The following FBXL17 variants were observed in gnomAD, a reference collection of about 807,000 sequenced individuals.
FBXL17 encodes the protein F-box/LRR-repeat protein 17.
FBXL17 carries 22 observed loss-of-function variants against 66.2 expected under a neutral mutation model. The observed-to-expected ratio is 0.33, with a 90% CI of 0.24 to 0.47. The LOEUF is 0.47. Ranked by LOEUF, FBXL17 falls within the 20% of genes least tolerant of loss-of-function variation. The pLI, the probability that FBXL17 is intolerant of heterozygous loss-of-function variation, is 1.00. For synonymous variants in FBXL17, 474 were observed against 400.5 expected (o/e 1.18, Z -2.19); for missense variants, 878 against 948.2 (o/e 0.93, Z 0.97).
At chr5:108,058,041 A>G (rs1409252619) in intron 6 of FBXL17, among the ~76,000 whole-genome samples, 1 of 152,200 alleles carries the variant, frequency 6.6e-6, no homozygotes, top group Non-Finnish European at 1.5e-5. Flanking sequence ...TTAGTAAAGG[A>G]ATGAGACTAA....
chr5:107,942,570 T>C (rs540899249), intron 7 of FBXL17, among the ~76,000 whole-genome samples: 19 of 152,242 alleles, frequency 1.2e-4, no homozygotes, highest in Non-Finnish European at 8.8e-5. Flanking sequence ...ACCAGGACAT[T>C]TGGCTGGAGC....
intron 5 of FBXL17, among the ~76,000 whole-genome samples, chr5:108,219,579 T>C (rs2150070710): frequency 6.6e-6 from 1 of 152,088 alleles, no homozygotes; most frequent in South Asian, 2.1e-4. Flanking sequence ...CCCAGATATT[T>C]GGGAGGCTGA....
intron 3 of FBXL17, among the ~76,000 whole-genome samples, chr5:108,358,059 T>C (rs904593079): frequency 2.6e-5 from 4 of 152,142 alleles, no homozygotes; most frequent in African/African-American, 9.6e-5. Flanking sequence ...AAATCACTTA[T>C]TAGTTCAAAT....
intron 6 of FBXL17, among the ~76,000 whole-genome samples, chr5:108,098,468 G>A (rs778492075): frequency 5.9e-5 from 9 of 152,018 alleles, no homozygotes; most frequent in Middle Eastern, 3.2e-3. Flanking sequence ...TTTTCATGCC[G>A]GGTGCAGTGG....
intron 6 of FBXL17, among the ~76,000 whole-genome samples, chr5:108,098,171 A>G (rs1749455146): frequency 6.6e-6 from 1 of 152,178 alleles, no homozygotes; most frequent in South Asian, 2.1e-4. Context: ...AAAAACAGAA[A>G]TCTAATCTGG....
At chr5:107,910,398 C>G (rs923265708) in intron 7 of FBXL17, among the ~76,000 whole-genome samples, 1 of 151,980 alleles carries the variant, frequency 6.6e-6, no homozygotes, top group Non-Finnish European at 1.5e-5. Context: ...AAATGAGAAA[C>G]AGCATGGTGT....
At chr5:108,359,397 G>A (rs925318764) in intron 3 of FBXL17, among the ~76,000 whole-genome samples, 1 of 151,956 alleles carries the variant, frequency 6.6e-6, no homozygotes, top group African/African-American at 2.4e-5. Flanking sequence ...TTTGATTACT[G>A]CTTTCAGATC....
At chr5:108,163,400 T>C (rs112103454) in intron 6 of FBXL17, among the ~76,000 whole-genome samples, 7 of 17,416 alleles carry the variant, frequency 4.0e-4, no homozygotes, top group African/African-American at 7.6e-4. Flanking sequence ...TTTTTTTTTC[T>C]TTTTTTTTTT....
chr5:108,045,625 T>C lies in FBXL17; in HGVS notation c.1746-24624A>G, dbSNP rs564127769. Among the ~76,000 whole-genome samples, 264 of 152,332 alleles carry C rather than the reference T, an allele frequency of 1.7e-3. 1 individual carries two copies. Among genetic ancestry groups the C allele is most frequent in the Non-Finnish European group, 2.7e-3 (185 of 68,046 alleles). ...CCTCTTAGCACTATTTTAGCAGTTT[T>C]CTAATACCAAATTTAGAAAATTGTA... On this transcript the variant is annotated intron_variant, in intron 6 of 8. Coordinates refer to ENST00000542267, the MANE Select transcript of FBXL17 (RefSeq NM_001163315.3).
At chr5:108,308,881 A>C (rs899405574) in intron 4 of FBXL17, among the ~76,000 whole-genome samples, 1 of 152,126 alleles carries the variant, frequency 6.6e-6, no homozygotes, top group Non-Finnish European at 1.5e-5. Flanking sequence ...GTACGTAAGA[A>C]TATAAATTGA....
At chr5:107,972,347 A>G (rs1355382297) in intron 7 of FBXL17, among the ~76,000 whole-genome samples, 1 of 152,230 alleles carries the variant, frequency 6.6e-6, no homozygotes, top group Non-Finnish European at 1.5e-5. Context: ...CTCATATTTT[A>G]TAACAAGGGT....
At chr5:108,012,802 T>G (rs758986444) in intron 7 of FBXL17, among the ~76,000 whole-genome samples, 17 of 151,986 alleles carry the variant, frequency 1.1e-4, no homozygotes, top group Non-Finnish European at 1.9e-4. Context: ...GATCACCTGA[T>G]GTTGAGAGTT....
At chr5:107,904,927 G>T (rs1030544682) in intron 7 of FBXL17, among the ~76,000 whole-genome samples, 7 of 152,058 alleles carry the variant, frequency 4.6e-5, no homozygotes, top group African/African-American at 1.7e-4. Flanking sequence ...CATTTCCAGG[G>T]GTGAAGCAGG....
At chr5:108,101,978 G>A (rs1378160163) in intron 6 of FBXL17, among the ~76,000 whole-genome samples, 2 of 152,214 alleles carry the variant, frequency 1.3e-5, no homozygotes, top group East Asian at 1.9e-4. Flanking sequence ...TGGGTTCACA[G>A]GTTCCCAGGG....
chr5:108,058,875 C>T (rs1747815184), intron 6 of FBXL17, among the ~76,000 whole-genome samples: 1 of 152,176 alleles, frequency 6.6e-6, no homozygotes, highest in African/African-American at 2.4e-5. Flanking sequence ...AAGAGGAACA[C>T]TCAGTATATT....
chr5:107,914,172 A>G (rs2112551282), intron 7 of FBXL17, among the ~76,000 whole-genome samples: 1 of 152,292 alleles, frequency 6.6e-6, no homozygotes, highest in East Asian at 1.9e-4. Context: ...TGAAACGAGA[A>G]CAGTGGTTCA....
chr5:107,998,208 G>A (rs1180327722), intron 7 of FBXL17, among the ~76,000 whole-genome samples: 1 of 152,056 alleles, frequency 6.6e-6, no homozygotes. Flanking sequence ...AATTTCACCA[G>A]TTTCTTTTCA....
chr5:108,281,388 GA>G (rs1465040014), intron 4 of FBXL17, among the ~76,000 whole-genome samples: 6 of 151,690 alleles, frequency 4.0e-5, no homozygotes, highest in African/African-American at 1.5e-4. Context: ...AGGGACTCTG[GA>G]AATTTTACAA....
At position 108,211,157 on chromosome 5, in the gene FBXL17, G is replaced by A. The variant is rs368085564; in HGVS notation, c.1614+12964C>T. On this transcript the variant is annotated intron_variant, in intron 5 of 8. Coordinates refer to ENST00000542267, the MANE Select transcript of FBXL17 (RefSeq NM_001163315.3). Reference sequence around the variant, plus strand: ...CTCCTGCTTTTTTGTTTTTGTTTTGGTTTTCCATTTGCTTGGTAAATATTC... The same window carrying A: ...CTCCTGCTTTTTTGTTTTTGTTTTGATTTTCCATTTGCTTGGTAAATATTC... Among the ~76,000 whole-genome samples the A allele has an allele frequency of 4.6e-5, 7 of 151,966 alleles. No individual in the cohort carries two copies. The East Asian group carries it at 9.7e-4, about 21-fold the overall frequency.
Sources: gnomAD v4.1 joint callset for allele counts (sites outside exome capture counted in the v4.1 genomes callset) on GRCh38, gnomAD v4.1.1 for gene constraint, MANE v1.5 for transcripts, NCBI Gene and HGNC (gene_info 2026-07-23, HGNC 2026-07-21) for gene names.